Variants in PHACTR4 observed in about 807,000 individuals in gnomAD.
The protein encoded by PHACTR4 is phosphatase and actin regulator 4, also known as protein phosphatase 1, regulatory subunit 124.
In PHACTR4, 51 loss-of-function variants were observed where a neutral mutation model predicts 72.7. The ratio of observed to expected loss-of-function variants is 0.70; its 90% confidence interval spans 0.56 to 0.89. PHACTR4 has a LOEUF of 0.89. Ranked by LOEUF, PHACTR4 falls within the 40% of genes least tolerant of loss-of-function variation. The pLI, the probability that PHACTR4 is intolerant of heterozygous loss-of-function variation, is 0.00. For synonymous variants in PHACTR4, 255 were observed against 302.5 expected (o/e 0.84, Z 1.63); for missense variants, 731 against 861.8 (o/e 0.85, Z 1.90).
intron 4 of PHACTR4, among the ~76,000 whole-genome samples, chr1:28,461,820 G>A (rs1426503629): frequency 6.8e-6 from 1 of 147,500 alleles, no homozygotes; most frequent in African/African-American, 2.5e-5. Context: ...GTGAGCTGCT[G>A]TGCCCAGGTG....
chr1:28,389,388 TAAAAG>T (rs1652817791), intron 1 of PHACTR4, among the ~76,000 whole-genome samples: 1 of 149,568 alleles, frequency 6.7e-6, no homozygotes, highest in African/African-American at 2.5e-5. Context: ...AATGTAAAAT[TAAAAG>T]AAAAAAAATA....
chr1:28,383,093 T>G (rs1291964169), intron 1 of PHACTR4, among the ~76,000 whole-genome samples: 1 of 152,140 alleles, frequency 6.6e-6, no homozygotes, highest in Admixed American at 6.6e-5. Context: ...GCGCCTGGCC[T>G]CGTGCACCAT....
Position 28,476,142 on chromosome 1 carries a change from C to T in PHACTR4, c.1457C>T (p.Pro486Leu), listed in dbSNP as rs776047749. 1.2e-6 allele frequency: 2 copies of T among 1,611,528 alleles called. No homozygotes were observed. Among genetic ancestry groups the T allele is most frequent in the East Asian group, 4.5e-5 (2 of 44,742 alleles). Reference sequence around the variant, plus strand: ...GAAGAAGAAGAGGAGCAAACCTGTCCATCCACATTCAGTGAAGAAATGACA... The same window carrying T: ...GAAGAAGAAGAGGAGCAAACCTGTCTATCCACATTCAGTGAAGAAATGACA... ...DDEEEEEQTC[P>L]STFSEEMTPT... Residue 486 changes from proline (P) to leucine (L), a missense_variant, in exon 8 of 14, where the codon CCA becomes CTA. Physicochemically the swap from Pro to Leu is moderately conservative, Grantham distance 98 (BLOSUM62 -3). Transcript: ENST00000373839.
chr1:28,413,771 G>C (rs12045466), intron 2 of PHACTR4, among the ~76,000 whole-genome samples: 1 of 152,048 alleles, frequency 6.6e-6, no homozygotes, highest in East Asian at 1.9e-4. Flanking sequence ...TTTTATGTTA[G>C]AGTTTTTCTC....
At chr1:28,394,862 C>G (rs1359316130) in intron 1 of PHACTR4, among the ~76,000 whole-genome samples, 1 of 151,146 alleles carries the variant, frequency 6.6e-6, no homozygotes, top group Admixed American at 6.6e-5. Flanking sequence ...TCCCAAATTG[C>G]TGGGATTACT....
Position 28,444,214 on chromosome 1 carries a change from C to CTTT in PHACTR4, c.17-14843_17-14841dup, listed in dbSNP as rs746642128. ...TGAGCATTTAAAAAAATATATTTGG[C>CTTT]TTTTTTTTTTTTTTTTTTTTTTTTT... is the stretch of plus-strand genomic sequence containing the variant. On this transcript the variant is annotated intron_variant, in intron 2 of 13. Transcript: ENST00000373839. 1.8e-3 allele frequency among the ~76,000 whole-genome samples: 72 copies of CTTT among 41,110 alleles called. 12 individuals carry two copies. The highest frequency in any genetic ancestry group is 2.6e-3 in the Non-Finnish European group (53 of 20,344). The allele number at this position is 41,110 out of a possible 152,430, so 27.0% of individuals were successfully genotyped here. A position where few individuals can be genotyped will look rare whatever the true frequency, so the allele number is the denominator to read the frequency against.
intron 1 of PHACTR4, among the ~76,000 whole-genome samples, chr1:28,391,599 C>CTTTTTTTTTTTTTTTTTTTTTT: frequency 1.0e-5 from 1 of 98,820 alleles, no homozygotes; most frequent in Non-Finnish European, 2.0e-5. Context: ...AAAATATATT[C>CTTTTTTTTTTTTTTTTTTTTTT]TTTTTTTTTT....
rs372074417 is a variant in PHACTR4, at chr1:28,459,125, G to A, written c.57G>A (p.Leu19=). 1 of 1,613,874 alleles carries A rather than the reference G, an allele frequency of 6.2e-7. No homozygotes were observed. Among genetic ancestry groups the A allele is most frequent in the African/African-American group, 1.3e-5 (1 of 74,882 alleles). ...CCACTACAGAGCCAGGCATGGTCCTGGACAGTGTGGAAGCAGGAGACACAA... is the reference window on the plus strand; with the variant it reads ...CCACTACAGAGCCAGGCATGGTCCTAGACAGTGTGGAAGCAGGAGACACAA... ...DQPTTEPGMV[L]DSVEAGDTTP... Residue 19 remains leucine (L), a synonymous_variant, in exon 3 of 14, where the codon CTG becomes CTA. Coordinates refer to ENST00000373839, the MANE Select transcript of PHACTR4 (RefSeq NM_001048183.3).
At chr1:28,454,428 C>T (rs1468487019) in intron 2 of PHACTR4, among the ~76,000 whole-genome samples, 2 of 152,000 alleles carry the variant, frequency 1.3e-5, no homozygotes, top group African/African-American at 4.8e-5. Flanking sequence ...AGGCACCCGC[C>T]ACTGCGCCCG....
At chr1:28,459,327 CTTA>C in intron 3 of PHACTR4, 69 bp downstream of exon 3, 1 of 1,370,300 alleles carries the variant, frequency 7.3e-7, no homozygotes, top group East Asian at 2.3e-5. Context: ...TTAATTTTTC[CTTA>C]TCTTCCCAAG....
intron 2 of PHACTR4, among the ~76,000 whole-genome samples, chr1:28,450,395 G>C (rs1657855946): frequency 6.6e-6 from 1 of 151,146 alleles, no homozygotes; most frequent in African/African-American, 2.4e-5. Flanking sequence ...GTGACTGCAT[G>C]CCTATATGTT....
chr1:28,496,348 G>T (rs571311121), intron 13 of PHACTR4, among the ~76,000 whole-genome samples, 186 bp from the exon 14 acceptor site: 2 of 151,858 alleles, frequency 1.3e-5, no homozygotes, highest in East Asian at 3.9e-4. Flanking sequence ...GAACCATTGC[G>T]CCCAGCCGAG....
chr1:28,373,030 C>G (rs554995377), intron 1 of PHACTR4, among the ~76,000 whole-genome samples: 1 of 151,620 alleles, frequency 6.6e-6, no homozygotes, highest in African/African-American at 2.4e-5. Flanking sequence ...TGATCATGGC[C>G]CACTGTAGCC....
Position 28,438,413 on chromosome 1 carries a change from T to A in PHACTR4, c.17-20672T>A, listed in dbSNP as rs768294562. 3 of 1,613,096 alleles carry A rather than the reference T, an allele frequency of 1.9e-6. No homozygotes were observed. The South Asian group carries it at 3.3e-5, about 18-fold the overall frequency. ...GGACAAGCTGATGTCTCCAGACCGG[T>A]AAATCCAGATGCAGTTGGTGAGTAA... On this transcript the variant is annotated intron_variant, in intron 2 of 13. Transcript: ENST00000373839.
chr1:28,462,743 A>G (rs1423139832), intron 4 of PHACTR4, among the ~76,000 whole-genome samples: 1 of 152,172 alleles, frequency 6.6e-6, no homozygotes, highest in Non-Finnish European at 1.5e-5. Flanking sequence ...CAATTAATAA[A>G]CGAGTTGCAG....
rs1037991098 is a variant in PHACTR4 at position 28,461,544 on chromosome 1, G to A, written c.271+1252G>A. Among the ~76,000 whole-genome samples the A allele has an allele frequency of 6.6e-5, 10 of 152,228 alleles. No homozygotes were observed. In the East Asian group the frequency reaches 1.7e-3, roughly 26 times the overall value. On this transcript the variant is annotated intron_variant, in intron 4 of 13. Coordinates refer to ENST00000373839, the MANE Select transcript of PHACTR4 (RefSeq NM_001048183.3). ...GGGCTTTAAACCATGCGAATATATT[G>A]CCTATTCAAAAAATTAAATTGTATG... is the stretch of plus-strand genomic sequence containing the variant.
At chr1:28,375,101 C>G (rs1218068880) in intron 1 of PHACTR4, among the ~76,000 whole-genome samples, 2 of 152,094 alleles carry the variant, frequency 1.3e-5, no homozygotes, top group Non-Finnish European at 2.9e-5. Context: ...GAGTTCGAGA[C>G]GAGCCTGGCC....
At chr1:28,455,932 GA>G (rs1183441763) in intron 2 of PHACTR4, among the ~76,000 whole-genome samples, 2 of 152,156 alleles carry the variant, frequency 1.3e-5, no homozygotes, top group African/African-American at 4.8e-5. Context: ...TTGTAAAAGT[GA>G]AAATCAAGCA....
chr1:28,404,705 C>T lies in PHACTR4; in HGVS notation c.-38-2705C>T, dbSNP rs189725280. 1.2e-4 allele frequency among the ~76,000 whole-genome samples: 18 copies of T among 152,266 alleles called. No homozygotes were observed. The East Asian group carries it at 2.5e-3, about 21-fold the overall frequency. ...TCGGCTACATCATTTTACATTCTCA[C>T]CAGCAGTTTATTGAGGCCCCAGTTT... On this transcript the variant is annotated intron_variant, in intron 1 of 13. Transcript: ENST00000373839.
Sources: gnomAD v4.1 joint callset for allele counts (sites outside exome capture counted in the v4.1 genomes callset) on GRCh38, gnomAD v4.1.1 for gene constraint, MANE v1.5 for transcripts, NCBI Gene and HGNC (gene_info 2026-07-23, HGNC 2026-07-21) for gene names.